TTN: variants seen among roughly 807,000 people sequenced by gnomAD.
The protein encoded by TTN is connectin.
Under a neutral mutation model 3,223.0 loss-of-function variants are expected in TTN, and 1,525 were observed. The ratio of observed to expected loss-of-function variants is 0.47; its 90% CI spans 0.45 to 0.49. The LOEUF (loss-of-function observed/expected upper bound fraction) is 0.49, where lower values mean the gene tolerates loss of function less well. Ranked by LOEUF, TTN falls within the 20% of genes least tolerant of loss-of-function variation. The pLI, the probability that TTN is intolerant of heterozygous loss-of-function variation, is 0.00. For missense variants in TTN, 40,786 were observed against 43,424.0 expected, an observed-to-expected ratio of 0.94 and a Z score of 5.40; for synonymous variants, 14,094 against 15,161.0, an observed-to-expected ratio of 0.93 and a Z score of 5.17.
At chr2:178,545,764 C>T (rs1416949775) in intron 343 of TTN, 56 bp downstream of exon 343, 6 of 1,598,086 alleles carry the variant, frequency 3.8e-6, no homozygotes, top group Admixed American at 1.7e-5. Context: ...TCTCCCTTCT[C>T]CCCCTGATTC....
At position 178,539,511 on chromosome 2, in the gene TTN, C is replaced by T; in HGVS notation, c.98554G>A (p.Gly32852Ser). 6.2e-7 allele frequency: 1 copy of T among 1,613,684 alleles called. No homozygotes were observed. Among genetic ancestry groups the T allele is most frequent in the Non-Finnish European group, 8.5e-7 (1 of 1,179,760 alleles). ...AGGCCTTTTACCACCAGAGATGTACCTCGGACTCTGGAATCAATGGTATAC... is the reference window on the plus strand; with the variant it reads ...AGGCCTTTTACCACCAGAGATGTACTTCGGACTCTGGAATCAATGGTATAC... ...AWYTIDSRVR[G>S]TSLVVKGLKE... is the part of the protein sequence containing the mutation. The change falls in exon 352 of 363, where the codon GGT (glycine) becomes AGT (serine). Residue 32852 changes from glycine (G) to serine (S), a missense_variant. By Grantham distance (56) the Gly-to-Ser change is moderately conservative (BLOSUM62 0). Transcript: ENST00000589042.
At chr2:178,610,567 T>C (rs1033205274) in intron 270 of TTN, among the ~76,000 whole-genome samples, 178 bp from the exon 271 acceptor site, 7 of 151,954 alleles carry the variant, frequency 4.6e-5, no homozygotes, top group Non-Finnish European at 8.8e-5. Flanking sequence ...ATGTCAGTGG[T>C]ATCTACCTCA....
chr2:178,741,888 T>C lies in TTN; in HGVS notation c.11345A>G (p.Glu3782Gly). The C allele has an allele frequency of 6.4e-7, 1 of 1,564,866 alleles. No homozygotes were observed. The highest frequency in any genetic ancestry group is 8.7e-7 in the Non-Finnish European group (1 of 1,153,972). Residue 3782 changes from glutamate (E) to glycine (G), a missense_variant, in exon 48 of 363, where the codon GAA becomes GGA. Glu to Gly is a moderately conservative substitution (Grantham distance 98). Transcript: ENST00000589042. ...TTGAAGTTCGGCGCTATGAAGTCCT[T>C]CTTCCTCGGCAGACAGAAAAGAACT... The part of the protein sequence containing the change: ...FSSSFLSAEE[E>G]GLHSAELQLS...
Position 178,550,468 on chromosome 2 carries a change from C to T in TTN, c.91565-195G>A, listed in dbSNP as rs761875038. On this transcript the variant is annotated intron_variant, in intron 336 of 362. Transcript: ENST00000589042. The stretch of plus-strand genomic sequence containing the variant: ...GGTTAAATATTTGCCTATTATTATT[C>T]CCTTTGTAATGCCTGTCATGTTTTT... 5.9e-5 allele frequency: 32 copies of T among 545,634 alleles called. 1 individual carries two copies. Among genetic ancestry groups the T allele is most frequent in the South Asian group, 1.8e-4 (6 of 34,284 alleles). The allele number at this position is 545,634 out of a possible 1,614,324, so 33.8% of individuals were successfully genotyped here. A position where few individuals can be genotyped will look rare whatever the true frequency, so the allele number is the denominator to read the frequency against.
chr2:178,720,181 A>G lies in TTN; in HGVS notation c.23461T>C (p.Phe7821Leu), dbSNP rs1478276063. 12 of 1,613,780 alleles carry G rather than the reference A, an allele frequency of 7.4e-6. No homozygotes were observed. Among genetic ancestry groups the G allele is most frequent in the Non-Finnish European group, 1.0e-5 (12 of 1,179,734 alleles). The change falls in exon 81 of 363, where the codon TTC becomes CTC. Residue 7821 changes from phenylalanine (F) to leucine (L), a missense_variant. By Grantham distance (22) the Phe-to-Leu change is conservative. Transcript: ENST00000589042. ...AGCCAGACAACAGAAATTGGCTGGAAGCCCTCCACTATGGCCCGTAACTCA... is the reference window on the plus strand; with the variant it reads ...AGCCAGACAACAGAAATTGGCTGGAGGCCCTCCACTATGGCCCGTAACTCA... ...AVELRAIVEG[F>L]QPISVVWLKD...
At chr2:178,702,422 T>C (rs1300348049) in intron 107 of TTN, 32 bp downstream of exon 107, 1 of 1,612,738 alleles carries the variant, frequency 6.2e-7, no homozygotes, top group Non-Finnish European at 8.5e-7. Flanking sequence ...GCTTAAATTA[T>C]ACATTCACTG....
At chr2:178,693,791 G>T in intron 118 of TTN, 102 bp from the exon 119 acceptor site, 1 of 1,236,564 alleles carries the variant, frequency 8.1e-7, no homozygotes, top group Non-Finnish European at 1.1e-6. Context: ...AGACAAACAT[G>T]AAATGAAAAA....
At chr2:178,529,779 GA>G (rs1273414810) in intron 359 of TTN, among the ~76,000 whole-genome samples, 180 bp downstream of exon 359, 1 of 152,190 alleles carries the variant, frequency 6.6e-6, no homozygotes, top group Non-Finnish European at 1.5e-5. Context: ...TATGCTCATA[GA>G]AAAGCATATG....
chr2:178,786,015 A>G lies in TTN; in HGVS notation c.2203T>C (p.Tyr735His), dbSNP rs754432983. The change falls in exon 14 of 363, where the codon TAC becomes CAC. Residue 735 changes from tyrosine (Y) to histidine (H), a missense_variant. Transcript: ENST00000589042. ...ESYAQQTTLE[Y>H]GYKERISAAK... ...GCGGAAATGCGTTCCTTATATCCGT[A>G]CTCCAAAGTGGTCTGCTGAGCATAG... The G allele has an allele frequency of 1.4e-5, 23 of 1,613,852 alleles. No homozygotes were observed. Among genetic ancestry groups the G allele is most frequent in the Non-Finnish European group, 1.9e-5 (22 of 1,179,988 alleles).
chr2:178,748,218 T>G, intron 47 of TTN: 2 of 1,613,080 alleles, frequency 1.2e-6, no homozygotes, highest in Non-Finnish European at 1.7e-6. Flanking sequence ...TCACTATAGA[T>G]TTCTTCAGAA....
intron 258 of TTN, 33 bp downstream of exon 258, chr2:178,615,608 G>T (rs779818807): frequency 8.1e-6 from 13 of 1,610,756 alleles, no homozygotes; most frequent in Non-Finnish European, 1.1e-5. Context: ...CAGGCAACAA[G>T]ATTAGGTAAG....
Position 178,794,994 on chromosome 2 carries a change from A to G in TTN, c.1173T>C (p.Ala391=), listed in dbSNP as rs1277275682. 6.2e-6 allele frequency: 10 copies of G among 1,609,294 alleles called. No homozygotes were observed. The highest frequency in any genetic ancestry group is 5.9e-6 in the Non-Finnish European group (7 of 1,179,986). ...CCGACACACTGGCGGCAGCACCCGC[A>G]GCACCACTGATGGTCACTTGCTCCT... ...GVQEQVTISG[A]AGAAASVSAS... is the part of the protein sequence containing the mutation. The change falls in exon 7 of 363, where the codon GCT becomes GCC. Residue 391 remains alanine, a synonymous_variant. Coordinates refer to ENST00000589042, the MANE Select transcript of TTN (RefSeq NM_001267550.2).
chr2:178,585,331 A>G lies in TTN; in HGVS notation c.64413T>C (p.Leu21471=), dbSNP rs2048687710. The G allele has an allele frequency of 1.3e-6, 2 of 1,591,852 alleles. No homozygotes were observed. The highest frequency in any genetic ancestry group is 2.3e-5 in the South Asian group (2 of 86,686). The change falls in exon 309 of 363, where the codon CTT becomes CTC. Residue 21471 remains leucine (L), a synonymous_variant. Coordinates refer to ENST00000589042, the MANE Select transcript of TTN (RefSeq NM_001267550.2). The part of the protein sequence containing the change: ...AKEQLLPPKI[L]MPEQITIKAG... ...CTTTGATAGTTATTTGCTCTGGCAT[A>G]AGGATCTTTGGTGGCACTGAAAGTA...
intron 271 of TTN, 26 bp from the exon 272 acceptor site, chr2:178,610,012 T>G: frequency 6.2e-7 from 1 of 1,610,122 alleles, no homozygotes. Flanking sequence ...AAAATGTTAG[T>G]ATCAGGAAAA....
At chr2:178,777,636 T>C (rs1245011944) in intron 25 of TTN, 52 bp from the exon 26 acceptor site, 1 of 1,613,430 alleles carries the variant, frequency 6.2e-7, no homozygotes, top group Admixed American at 1.7e-5. Flanking sequence ...TTTTAAAAAT[T>C]GTTAGATGCA....
At chr2:178,639,425 A>G (rs925072437) in intron 223 of TTN, among the ~76,000 whole-genome samples, 6 of 152,130 alleles carry the variant, frequency 3.9e-5, no homozygotes, top group South Asian at 2.1e-4. Flanking sequence ...ATCAGCCCCA[A>G]ACATATTCAT....
At chr2:178,558,945 T>C (rs1702526956) in intron 326 of TTN, 1 of 399,252 alleles carries the variant, frequency 2.5e-6, no homozygotes. Flanking sequence ...TAAAAAACTT[T>C]ATATACAATT....
Position 178,775,577 on chromosome 2 carries a change from T to C in TTN, c.6287A>G (p.His2096Arg). The change falls in exon 28 of 363, where the codon CAC becomes CGC. Residue 2096 changes from histidine (H) to arginine (R), a missense_variant. Transcript: ENST00000589042. ...SQTVGQGSDA[H>R]FRVRVVGKPD... ...TTTCCCCACGACTCTGACCCGGAAG[T>C]GTGCATCAGATCCTTGGCCCACTGT... The C allele has an allele frequency of 6.2e-7, 1 of 1,614,112 alleles. No individual in the cohort carries two copies. The highest frequency in any genetic ancestry group is 8.5e-7 in the Non-Finnish European group (1 of 1,179,996).
At chr2:178,584,249 C>A in intron 311 of TTN, 27 bp downstream of exon 311, 1 of 1,528,062 alleles carries the variant, frequency 6.5e-7, no homozygotes, top group Non-Finnish European at 8.8e-7. Flanking sequence ...AAAACAACAA[C>A]AACAATAAAA....
Sources: gnomAD v4.1 joint callset for allele counts (sites outside exome capture counted in the v4.1 genomes callset) on GRCh38, gnomAD v4.1.1 for gene constraint, MANE v1.5 for transcripts, NCBI Gene and HGNC (gene_info 2026-07-23, HGNC 2026-07-21) for gene names.